The following PRORP variants were observed in gnomAD, a reference collection of about 807,000 sequenced individuals.
PRORP encodes protein only RNase P catalytic subunit, also known as mitochondrial ribonuclease P catalytic subunit.
PRORP carries 51 observed loss-of-function variants against 59.4 expected under a neutral mutation model. The observed-to-expected ratio is 0.86, with a 90% CI of 0.69 to 1.08. The LOEUF (loss-of-function observed/expected upper bound fraction) is 1.08. Among genes scored for constraint, PRORP ranks in the 50% least tolerant of loss-of-function variants. The pLI, the probability that PRORP is intolerant of heterozygous loss-of-function variation, is 0.00. For missense variants in PRORP, 646 were observed against 690.3 expected (o/e 0.94, Z 0.72); for synonymous variants, 231 against 245.6 (o/e 0.94, Z 0.55).
intron 5 of PRORP, chr14:35,235,491 C>G: frequency 1.6e-6 from 1 of 622,814 alleles, no homozygotes; most frequent in Non-Finnish European, 3.0e-6. Context: ...TTGATGGGAT[C>G]CACTTCATGT....
chr14:35,254,516 C>T (rs531085007), intron 5 of PRORP, among the ~76,000 whole-genome samples: 39 of 152,302 alleles, frequency 2.6e-4, no homozygotes, highest in Middle Eastern at 6.8e-3. Context: ...CCTCAGCCTC[C>T]TGAGTAGCTG....
At chr14:35,227,126 T>C (rs2049954645) in intron 5 of PRORP, among the ~76,000 whole-genome samples, 1 of 152,016 alleles carries the variant, frequency 6.6e-6, no homozygotes, top group Non-Finnish European at 1.5e-5. Flanking sequence ...GAAACAGTTT[T>C]AATGGATTCC....
At chr14:35,213,460 A>T (rs2049504606) in intron 5 of PRORP, among the ~76,000 whole-genome samples, 1 of 152,022 alleles carries the variant, frequency 6.6e-6, no homozygotes, top group African/African-American at 2.4e-5. Context: ...AAGGAAAAAA[A>T]CCTTTTTCTT....
chr14:35,199,358 T>C (rs1046545716), intron 5 of PRORP, among the ~76,000 whole-genome samples: 3 of 149,900 alleles, frequency 2.0e-5, no homozygotes, highest in African/African-American at 7.3e-5. Context: ...AAAAAAATTA[T>C]AGTGAGTACT....
intron 5 of PRORP, among the ~76,000 whole-genome samples, chr14:35,245,143 A>T (rs954591406): frequency 4.6e-5 from 7 of 152,250 alleles, no homozygotes; most frequent in African/African-American, 1.7e-4. Flanking sequence ...GGTCAAACAG[A>T]ACAAGCTGCT....
chr14:35,227,917 G>A (rs542133414), intron 5 of PRORP, among the ~76,000 whole-genome samples: 13 of 151,540 alleles, frequency 8.6e-5, no homozygotes, highest in African/African-American at 1.5e-4. Flanking sequence ...GGCCGAGGTC[G>A]GTGGATCACA....
At chr14:35,133,420 T>G (rs1274992955) in intron 4 of PRORP, among the ~76,000 whole-genome samples, 1 of 152,220 alleles carries the variant, frequency 6.6e-6, no homozygotes, top group East Asian at 1.9e-4. Context: ...CTTCTTGGGT[T>G]ATCTTGAATT....
intron 5 of PRORP, among the ~76,000 whole-genome samples, chr14:35,194,894 T>C (rs1472509808): frequency 6.6e-6 from 1 of 152,140 alleles, no homozygotes; most frequent in Non-Finnish European, 1.5e-5. Context: ...TTTTGAAAAT[T>C]TATAATTGTA....
chr14:35,260,473 A>G lies in PRORP; in HGVS notation c.1276-6254A>G, dbSNP rs554447468. On this transcript the variant is annotated intron_variant, in intron 5 of 7. Coordinates refer to ENST00000534898, the MANE Select transcript of PRORP (RefSeq NM_014672.4). ...TTTGTCTTATAGTATAAGTTTATAG[A>G]TTCCTGTTCTCTGTAACTAGTAACT... Among the ~76,000 whole-genome samples, 6 of 152,304 alleles carry G rather than the reference A, an allele frequency of 3.9e-5. No homozygotes were observed. The South Asian group carries it at 8.3e-4, about 21-fold the overall frequency.
At chr14:35,241,987 G>A (rs1298152871) in intron 5 of PRORP, among the ~76,000 whole-genome samples, 1 of 152,096 alleles carries the variant, frequency 6.6e-6, no homozygotes, top group Admixed American at 6.5e-5. Context: ...CTCACTGAGG[G>A]CAGGGACCAT....
chr14:35,215,885 G>A (rs1022087470), intron 5 of PRORP, among the ~76,000 whole-genome samples: 1 of 151,586 alleles, frequency 6.6e-6, no homozygotes, highest in Non-Finnish European at 1.5e-5. Flanking sequence ...TCCTGCCTCA[G>A]CCTCCTGAGT....
chr14:35,219,468 A>G (rs1173838793), intron 5 of PRORP, among the ~76,000 whole-genome samples: 1 of 152,228 alleles, frequency 6.6e-6, no homozygotes, highest in Non-Finnish European at 1.5e-5. Flanking sequence ...TGCAGCATTT[A>G]TGAAAACTGT....
Position 35,132,086 on chromosome 14 carries a change from G to A in PRORP, c.1167+4475G>A, listed in dbSNP as rs145093379. Among the ~76,000 whole-genome samples, 64 of 151,352 alleles carry A rather than the reference G, an allele frequency of 4.2e-4. No homozygotes were observed. The East Asian group carries it at 0.012, about 29-fold the overall frequency. On this transcript the variant is annotated intron_variant, in intron 4 of 7. Coordinates refer to ENST00000534898, the MANE Select transcript of PRORP (RefSeq NM_014672.4). ...ACTCCTGACCTGAGGTGATCCGTCCGCCTCGGCCTCCGAAAGTGCTGGAAT... is the reference window on the plus strand; with the variant it reads ...ACTCCTGACCTGAGGTGATCCGTCCACCTCGGCCTCCGAAAGTGCTGGAAT...
At chr14:35,271,198 G>A (rs868038376) in intron 7 of PRORP, among the ~76,000 whole-genome samples, 8 of 121,924 alleles carry the variant, frequency 6.6e-5, no homozygotes, top group Admixed American at 2.0e-4. Context: ...TCACTCTGTC[G>A]CCCAGGCTGG....
intron 5 of PRORP, among the ~76,000 whole-genome samples, chr14:35,227,226 G>A (rs56084013): frequency 1.3e-5 from 2 of 150,796 alleles, no homozygotes; most frequent in East Asian, 2.0e-4. Context: ...GGTGGATCAC[G>A]AGGTCAGGAG....
intron 3 of PRORP, 141 bp downstream of exon 3, chr14:35,126,923 C>CT (rs1184229276): frequency 1.5e-6 from 1 of 658,302 alleles, no homozygotes; most frequent in Non-Finnish European, 2.6e-6. Flanking sequence ...AAAAAACATA[C>CT]TTTGCATACA....
intron 5 of PRORP, among the ~76,000 whole-genome samples, chr14:35,233,293 A>G (rs746593052): frequency 6.7e-6 from 1 of 150,108 alleles, no homozygotes. Flanking sequence ...TTATTTTTCT[A>G]CATCTCTCTT....
chr14:35,128,301 G>GTT (rs575648314), intron 4 of PRORP, among the ~76,000 whole-genome samples: 224 of 145,382 alleles, frequency 1.5e-3, no homozygotes, highest in Non-Finnish European at 2.5e-3. Context: ...TGTTTTTTGG[G>GTT]TTTTTTTTTT....
intron 5 of PRORP, among the ~76,000 whole-genome samples, chr14:35,201,805 G>A (rs967383877): frequency 6.6e-6 from 1 of 151,376 alleles, no homozygotes; most frequent in Non-Finnish European, 1.5e-5. Flanking sequence ...TTGCAGGTGT[G>A]CACCACCACA....
Sources: allele counts gnomAD v4.1 joint callset (sites outside exome capture counted in the v4.1 genomes callset), GRCh38; gene constraint gnomAD v4.1.1; transcripts MANE v1.5; gene names NCBI Gene and HGNC (gene_info 2026-07-23, HGNC 2026-07-21).